The following ATRNL1 variants were observed in gnomAD, a reference collection of about 807,000 sequenced individuals.
ATRNL1 encodes the protein attractin like 1.
Under a neutral mutation model 182.7 loss-of-function variants are expected in ATRNL1, and 95 were observed. The ratio of observed to expected loss-of-function variants is 0.52; its 90% CI spans 0.44 to 0.62. The LOEUF (loss-of-function observed/expected upper bound fraction) is 0.62. ATRNL1 is among the 20% of genes least tolerant of loss of function. The probability of loss-of-function intolerance (pLI) is 0.00; values close to 1 mark genes in which losing one functional copy is unlikely to be tolerated. For missense variants in ATRNL1, 1,471 were observed against 1,679.5 expected (o/e 0.88, Z 2.17); for synonymous variants, 576 against 568.3 (o/e 1.01, Z -0.19).
chr10:115,650,534 G>A (rs547168369), intron 26 of ATRNL1, among the ~76,000 whole-genome samples: 50 of 152,102 alleles, frequency 3.3e-4, no homozygotes, highest in African/African-American at 1.2e-3. Flanking sequence ...AAACAAATAA[G>A]TAACTTCCAG....
intron 1 of ATRNL1, among the ~76,000 whole-genome samples, chr10:115,099,847 A>G (rs1394442410): frequency 6.6e-6 from 1 of 152,202 alleles, no homozygotes; most frequent in Non-Finnish European, 1.5e-5. Flanking sequence ...TATCATTTGC[A>G]TATATTTTCT....
chr10:115,821,277 C>T (rs1211339723), intron 27 of ATRNL1, among the ~76,000 whole-genome samples: 5 of 152,060 alleles, frequency 3.3e-5, no homozygotes, highest in Admixed American at 3.3e-4. Flanking sequence ...AGAAAAGTAG[C>T]TTGTGTGAAT....
Position 115,415,325 on chromosome 10 carries a change from A to G in ATRNL1, c.3270-10925A>G, listed in dbSNP as rs569060666. Among the ~76,000 whole-genome samples the G allele has an allele frequency of 1.1e-4, 16 of 152,076 alleles. No individual in the cohort carries two copies. The South Asian group carries it at 1.7e-3, about 16-fold the overall frequency. On this transcript the variant is annotated intron_variant, in intron 20 of 28. Transcript: ENST00000355044. ...TCATGTGGTTAAGAGCCATTTTTAT[A>G]TCACTTTTGTGAATTGTCTCTTCAT... is the stretch of plus-strand genomic sequence containing the variant.
chr10:115,464,907 G>A (rs1554970496), intron 22 of ATRNL1, among the ~76,000 whole-genome samples: 1 of 151,658 alleles, frequency 6.6e-6, no homozygotes, highest in African/African-American at 2.4e-5. Flanking sequence ...TGAAGATGAA[G>A]ATGAAGAAAG....
At chr10:115,537,872 T>A (rs1694916068) in intron 25 of ATRNL1, among the ~76,000 whole-genome samples, 1 of 152,140 alleles carries the variant, frequency 6.6e-6, no homozygotes, top group Non-Finnish European at 1.5e-5. Context: ...CATAGAGCCT[T>A]CTTTGCAGTC....
intron 21 of ATRNL1, among the ~76,000 whole-genome samples, chr10:115,438,129 C>T (rs1337274457): frequency 1.3e-5 from 2 of 151,932 alleles, no homozygotes; most frequent in African/African-American, 2.4e-5. Context: ...ATTTCAGAAA[C>T]AATTCAAAAT....
At chr10:115,871,100 G>A (rs1432017611) in intron 28 of ATRNL1, among the ~76,000 whole-genome samples, 1 of 151,782 alleles carries the variant, frequency 6.6e-6, no homozygotes, top group African/African-American at 2.4e-5. Context: ...ATAATATTTC[G>A]GTTCTGTCCT....
At chr10:115,497,771 C>T (rs1416316605) in intron 24 of ATRNL1, among the ~76,000 whole-genome samples, 9 of 152,008 alleles carry the variant, frequency 5.9e-5, no homozygotes, top group African/African-American at 2.2e-4. Flanking sequence ...AATTCTCCTG[C>T]TTCAGCCTCC....
intron 19 of ATRNL1, among the ~76,000 whole-genome samples, chr10:115,387,758 A>C (rs1464878051): frequency 1.3e-5 from 2 of 152,130 alleles, no homozygotes; most frequent in Admixed American, 1.3e-4. Flanking sequence ...AGCATGTATT[A>C]GTACTTTATT....
chr10:115,239,218 G>C (rs1240666788), intron 9 of ATRNL1, among the ~76,000 whole-genome samples: 1 of 151,838 alleles, frequency 6.6e-6, no homozygotes, highest in Non-Finnish European at 1.5e-5. Flanking sequence ...TTAGAGACTA[G>C]AGATTATTTT....
At chr10:115,491,255 T>A (rs1849288109) in intron 24 of ATRNL1, among the ~76,000 whole-genome samples, 1 of 152,146 alleles carries the variant, frequency 6.6e-6, no homozygotes, top group African/African-American at 2.4e-5. Flanking sequence ...CTGTTCCTTA[T>A]CAGAGCTTGA....
chr10:115,679,492 G>A (rs530796253), intron 26 of ATRNL1, among the ~76,000 whole-genome samples: 32 of 151,874 alleles, frequency 2.1e-4, no homozygotes, highest in African/African-American at 7.2e-4. Flanking sequence ...CTTTCTCTCC[G>A]CATACTTCAC....
intron 20 of ATRNL1, among the ~76,000 whole-genome samples, chr10:115,421,808 G>A (rs988510449): frequency 3.7e-4 from 56 of 152,138 alleles, no homozygotes; most frequent in Non-Finnish European, 7.6e-4. Flanking sequence ...TTACAAGGCT[G>A]TGGTAACCAA....
intron 26 of ATRNL1, among the ~76,000 whole-genome samples, chr10:115,640,239 T>C (rs1859152028): frequency 6.6e-6 from 1 of 152,206 alleles, no homozygotes; most frequent in African/African-American, 2.4e-5. Flanking sequence ...TAAACATATA[T>C]GTGCATGTGT....
intron 10 of ATRNL1, among the ~76,000 whole-genome samples, chr10:115,246,520 G>C (rs1554904132): frequency 6.6e-6 from 1 of 151,528 alleles, no homozygotes; most frequent in Non-Finnish European, 1.5e-5. Flanking sequence ...CCAGGAGAAA[G>C]AAAAGGATAA....
chr10:115,471,662 C>G (rs1848319552), intron 24 of ATRNL1, among the ~76,000 whole-genome samples: 1 of 150,976 alleles, frequency 6.6e-6, no homozygotes, highest in South Asian at 2.1e-4. Flanking sequence ...AATGTATAAT[C>G]AGGTCCTTTG....
At chr10:115,731,377 G>A (rs563662400) in intron 27 of ATRNL1, among the ~76,000 whole-genome samples, 4 of 152,080 alleles carry the variant, frequency 2.6e-5, no homozygotes, top group Non-Finnish European at 5.9e-5. Context: ...TGTCTGTGGG[G>A]TCATTTTTGC....
At chr10:115,267,097 G>C (rs1851640241) in intron 12 of ATRNL1, 92 bp downstream of exon 12, 1 of 873,544 alleles carries the variant, frequency 1.1e-6, no homozygotes, top group South Asian at 1.8e-5. Context: ...TACTTTAGTA[G>C]CTACAGAAAT....
rs187706851 is a variant in ATRNL1, at chr10:115,597,201, C to T, written c.3795+47665C>T. On this transcript the variant is annotated intron_variant, in intron 26 of 28. Coordinates refer to ENST00000355044, the MANE Select transcript of ATRNL1 (RefSeq NM_207303.4). The stretch of plus-strand genomic sequence containing the variant: ...TTACTAAAATTTTTTCCTCAGTAGA[C>T]GAATGGTTACCAAAATGATTTGAGG... 2.6e-4 allele frequency among the ~76,000 whole-genome samples: 40 copies of T among 152,106 alleles called. No individual in the cohort carries two copies. In the East Asian group the frequency reaches 7.1e-3, roughly 27 times the overall value.
Sources: gnomAD v4.1 joint callset for allele counts (sites outside exome capture counted in the v4.1 genomes callset) on GRCh38, gnomAD v4.1.1 for gene constraint, MANE v1.5 for transcripts, NCBI Gene and HGNC (gene_info 2026-07-23, HGNC 2026-07-21) for gene names.